Variants in PDE4D observed in about 807,000 individuals in gnomAD.
The protein encoded by PDE4D is phosphodiesterase 4D.
Under a neutral mutation model 87.4 loss-of-function variants are expected in PDE4D, and 24 were observed. The ratio of observed to expected loss-of-function variants is 0.27; its 90% CI spans 0.20 to 0.39. The LOEUF (loss-of-function observed/expected upper bound fraction) is 0.39. PDE4D is among the 10% of genes least tolerant of loss of function. The pLI is 1.00. For synonymous variants in PDE4D, 384 were observed against 383.2 expected (o/e 1.00, Z -0.02); for missense variants, 714 against 1,041.0 (o/e 0.69, Z 4.32).
intron 1 of PDE4D, among the ~76,000 whole-genome samples, chr5:60,412,474 CT>C (rs1742127520): frequency 6.6e-6 from 1 of 152,072 alleles, no homozygotes; most frequent in Non-Finnish European, 1.5e-5. Flanking sequence ...TTGTTTTTGT[CT>C]TTTTTCTGCA....
rs1748619419 is a variant in PDE4D, at chr5:59,205,693, C to CACACACACAT, written c.647+10083_647+10084insATGTGTGTGT. 2.0e-5 allele frequency among the ~76,000 whole-genome samples: 3 copies of CACACACACAT among 149,812 alleles called. No homozygotes were observed. The East Asian group carries it at 5.9e-4, about 29-fold the overall frequency. On this transcript the variant is annotated intron_variant, in intron 2 of 14. Transcript: ENST00000340635. ...ACACACACACACACACACACACACACACACACCAATCCACAAAAACAAAAC... is the reference window on the plus strand; with the variant it reads ...ACACACACACACACACACACACACACACACACACATACACACCAATCCACAAAAACAAAAC...
intron 1 of PDE4D, among the ~76,000 whole-genome samples, chr5:59,548,525 G>A (rs968262157): frequency 2.0e-5 from 3 of 152,054 alleles, no homozygotes; most frequent in Non-Finnish European, 2.9e-5. Context: ...TAAAGCTTAC[G>A]ATCTGGTGGG....
At chr5:59,118,129 T>C (rs1404496831) in intron 5 of PDE4D, among the ~76,000 whole-genome samples, 2 of 152,196 alleles carry the variant, frequency 1.3e-5, no homozygotes, top group Non-Finnish European at 2.9e-5. Flanking sequence ...TCTACCTTTC[T>C]AGCCTCAGTT....
chr5:60,184,982 A>T (rs1323522875), intron 2 of PDE4D, among the ~76,000 whole-genome samples: 2 of 152,158 alleles, frequency 1.3e-5, no homozygotes, highest in African/African-American at 2.4e-5. Flanking sequence ...ATATAAATTT[A>T]AAAAGTATCA....
intron 1 of PDE4D, among the ~76,000 whole-genome samples, chr5:60,441,048 C>T (rs1304817786): frequency 1.3e-5 from 2 of 151,832 alleles, no homozygotes; most frequent in Admixed American, 6.6e-5. Flanking sequence ...ATTCTGGTTG[C>T]GATGTAAAGA....
intron 1 of PDE4D, among the ~76,000 whole-genome samples, chr5:59,300,418 G>C (rs1769990304): frequency 1.3e-5 from 2 of 152,080 alleles, no homozygotes; most frequent in Admixed American, 6.6e-5. Context: ...AATATGAACA[G>C]ACTGAAGATA....
intron 1 of PDE4D, among the ~76,000 whole-genome samples, chr5:60,345,672 C>T (rs1020583613): frequency 3.3e-5 from 5 of 151,924 alleles, no homozygotes; most frequent in African/African-American, 1.2e-4. Flanking sequence ...GCAAATGAAC[C>T]TGCCACAAAT....
At chr5:59,115,063 AAGAGGG>A (rs1773361554) in intron 5 of PDE4D, among the ~76,000 whole-genome samples, 1 of 151,162 alleles carries the variant, frequency 6.6e-6, no homozygotes, top group Admixed American at 6.6e-5. Flanking sequence ...AGGTCAAAGA[AAGAGGG>A]AGAAGGGGCG....
chr5:59,019,132 G>C (rs879452049), intron 6 of PDE4D, among the ~76,000 whole-genome samples: 5 of 151,902 alleles, frequency 3.3e-5, no homozygotes, highest in Non-Finnish European at 7.4e-5. Flanking sequence ...CATTATTCAG[G>C]TTTAGAATTT....
chr5:60,466,459 C>A (rs1038070691), intron 1 of PDE4D, among the ~76,000 whole-genome samples: 1 of 152,146 alleles, frequency 6.6e-6, no homozygotes, highest in Non-Finnish European at 1.5e-5. Context: ...CAAATATGTT[C>A]CCTAAGAAAA....
chr5:59,852,890 G>A (rs1178841132), intron 1 of PDE4D, among the ~76,000 whole-genome samples: 1 of 151,998 alleles, frequency 6.6e-6, no homozygotes, highest in East Asian at 1.9e-4. Context: ...GGCTAAATCT[G>A]TGGTTCTTGT....
At chr5:59,041,024 G>A (rs945979312) in intron 5 of PDE4D, among the ~76,000 whole-genome samples, 1 of 152,104 alleles carries the variant, frequency 6.6e-6, no homozygotes, top group Non-Finnish European at 1.5e-5. Flanking sequence ...AGTACTCTAG[G>A]TTAAAATTTG....
At chr5:59,530,589 T>TAC (rs1814028536) in intron 1 of PDE4D, among the ~76,000 whole-genome samples, 1 of 150,372 alleles carries the variant, frequency 6.7e-6, no homozygotes. Context: ...ACATGTTCAG[T>TAC]ATATACACAA....
chr5:59,094,217 A>AAC (rs1769280072), intron 5 of PDE4D, among the ~76,000 whole-genome samples: 1 of 82,810 alleles, frequency 1.2e-5, no homozygotes, highest in Non-Finnish European at 2.2e-5. Context: ...ACTCCGTCTC[A>AAC]AAAAAAAAAA....
chr5:59,904,643 A>G (rs1012620143), intron 3 of PDE4D, among the ~76,000 whole-genome samples: 1 of 152,114 alleles, frequency 6.6e-6, no homozygotes, highest in Non-Finnish European at 1.5e-5. Context: ...TGAAGTAAAT[A>G]AGACTTCAAA....
At chr5:60,294,955 A>T (rs1753238205) in intron 1 of PDE4D, among the ~76,000 whole-genome samples, 1 of 152,058 alleles carries the variant, frequency 6.6e-6, no homozygotes, top group Non-Finnish European at 1.5e-5. Context: ...TTCAGGAAAA[A>T]TTAATATCCT....
intron 1 of PDE4D, among the ~76,000 whole-genome samples, chr5:60,250,851 C>CA (rs892860611): frequency 3.7e-4 from 56 of 151,890 alleles, no homozygotes; most frequent in African/African-American, 1.2e-3. Flanking sequence ...AGAGGTATTC[C>CA]ATAAGAAGGC....
intron 1 of PDE4D, among the ~76,000 whole-genome samples, chr5:60,460,932 C>A (rs1445038843): frequency 6.6e-6 from 1 of 151,824 alleles, no homozygotes; most frequent in Non-Finnish European, 1.5e-5. Flanking sequence ...AAATGCAGAA[C>A]CATTTATAAA....
chr5:59,993,537 A>G (rs1181640207), intron 2 of PDE4D, among the ~76,000 whole-genome samples: 1 of 152,154 alleles, frequency 6.6e-6, no homozygotes, highest in Admixed American at 6.5e-5. Context: ...ATTTTTATAA[A>G]ACAATAATAT....
Sources: allele counts gnomAD v4.1 joint callset (sites outside exome capture counted in the v4.1 genomes callset), GRCh38; gene constraint gnomAD v4.1.1; transcripts MANE v1.5; gene names NCBI Gene and HGNC (gene_info 2026-07-23, HGNC 2026-07-21).